Variants in DPYSL2 observed in about 807,000 individuals in gnomAD.
DPYSL2 encodes dihydropyrimidinase-related protein 2.
A neutral mutation model predicts 69.9 loss-of-function variants in DPYSL2; 13 were observed. The observed-to-expected ratio is 0.19, with a 90% CI of 0.12 to 0.30. DPYSL2 has a LOEUF of 0.30. Ranked by LOEUF, DPYSL2 falls within the 10% of genes least tolerant of loss-of-function variation. The pLI is 1.00. For synonymous variants in DPYSL2, 326 were observed against 359.1 expected, an observed-to-expected ratio of 0.91 and a Z score of 1.04; for missense variants, 587 against 918.9, an observed-to-expected ratio of 0.64 and a Z score of 4.67.
At chr8:26,574,738 A>G (rs1391531856) in intron 1 of DPYSL2, among the ~76,000 whole-genome samples, 1 of 152,212 alleles carries the variant, frequency 6.6e-6, no homozygotes, top group East Asian at 1.9e-4. Flanking sequence ...TACAGAAAGT[A>G]TAAGAAACAT....
intron 7 of DPYSL2, among the ~76,000 whole-genome samples, chr8:26,634,083 G>A (rs913589577): frequency 4.6e-5 from 7 of 152,202 alleles, no homozygotes; most frequent in Non-Finnish European, 1.0e-4. Flanking sequence ...TGTGTGTGGC[G>A]GTTCTCAAAC....
chr8:26,648,237 AT>A lies in DPYSL2; in HGVS notation c.1596+438del, dbSNP rs1439617740. On this transcript the variant is annotated intron_variant, in intron 11 of 13. Coordinates refer to ENST00000521913, the MANE Select transcript of DPYSL2 (RefSeq NM_001197293.3). This position sits in a 1 kb window ranked among gnomAD's most constrained non-coding sequence, Gnocchi z 4.3. ...TAAGCCATTGTTTTCTCAGGCCAGT[AT>A]CCATGCAGAAAACTGGATGACAGCC... Among the ~76,000 whole-genome samples the A allele has an allele frequency of 6.6e-6, 1 of 152,170 alleles. No individual in the cohort carries two copies. Among genetic ancestry groups the A allele is most frequent in the East Asian group, 1.9e-4 (1 of 5,178 alleles).
chr8:26,620,573 C>G lies in DPYSL2; in HGVS notation c.629-3570C>G, dbSNP rs1049768030. On this transcript the variant is annotated intron_variant, in intron 3 of 13. Transcript: ENST00000521913. This position sits in a 1 kb window ranked among gnomAD's most constrained non-coding sequence, Gnocchi z 4.5. ...GATTGAGATGAATGGAGCAAAATAG[C>G]CCAGGAACAGAACCTGGTATTGTCT... Among the ~76,000 whole-genome samples the G allele has an allele frequency of 2.0e-5, 3 of 151,918 alleles. No homozygotes were observed. Among genetic ancestry groups the G allele is most frequent in the African/African-American group, 7.3e-5 (3 of 41,342 alleles).
Position 26,620,587 on chromosome 8 carries a change from C to T in DPYSL2, c.629-3556C>T, listed in dbSNP as rs1477631744. On this transcript the variant is annotated intron_variant, in intron 3 of 13. Transcript: ENST00000521913. The surrounding 1 kb of genome is among the most constrained non-coding windows in gnomAD (Gnocchi z 4.5). ...GAGCAAAATAGCCCAGGAACAGAAC[C>T]TGGTATTGTCTCTCTGTAAAGTATG... Among the ~76,000 whole-genome samples the T allele has an allele frequency of 6.6e-6, 1 of 152,000 alleles. No individual in the cohort carries two copies. Among genetic ancestry groups the T allele is most frequent in the East Asian group, 1.9e-4 (1 of 5,194 alleles).
At position 26,597,775 on chromosome 8, in the gene DPYSL2, C is replaced by CTTT. The variant is rs374599797; in HGVS notation, c.628+13810_628+13812dup. ...AGGCAAGAGCCACCGCACCTGGCCTCTTTTTTTTTTTTTTTTTTTTGAGGG... is the reference window on the plus strand; with the variant it reads ...AGGCAAGAGCCACCGCACCTGGCCTCTTTTTTTTTTTTTTTTTTTTTTTGAGGG... On this transcript the variant is annotated intron_variant, in intron 3 of 13. Transcript: ENST00000521913. The surrounding 1 kb of genome is among the most constrained non-coding windows in gnomAD (Gnocchi z 5.2). Among the ~76,000 whole-genome samples the CTTT allele has an allele frequency of 3.1e-5, 4 of 127,158 alleles. No homozygotes were observed. Among genetic ancestry groups the CTTT allele is most frequent in the African/African-American group, 5.8e-5 (2 of 34,500 alleles). 83.4% of individuals were successfully genotyped at this position (127,158 alleles called of 152,430 possible).
chr8:26,556,212 C>A (rs370688303), intron 1 of DPYSL2, among the ~76,000 whole-genome samples: 3 of 3,096 alleles, frequency 9.7e-4, no homozygotes, highest in South Asian at 6.6e-3. Flanking sequence ...TATATATATA[C>A]TATATATAGT....
chr8:26,552,206 C>G (rs1268901743), intron 1 of DPYSL2, among the ~76,000 whole-genome samples: 2 of 152,100 alleles, frequency 1.3e-5, no homozygotes, highest in African/African-American at 4.8e-5. Context: ...GATGAAAATA[C>G]AACTTATCAA....
intron 1 of DPYSL2, chr8:26,548,564 G>A (rs955242660): frequency 2.0e-5 from 3 of 151,820 alleles, no homozygotes; most frequent in African/African-American, 7.3e-5. Flanking sequence ...ACTCCTAACA[G>A]TAATAATAAT....
chr8:26,599,418 T>C (rs1801942319), intron 3 of DPYSL2, among the ~76,000 whole-genome samples: 1 of 152,194 alleles, frequency 6.6e-6, no homozygotes. Flanking sequence ...GCTTGGCTCT[T>C]TCTTCTCCTC....
At chr8:26,606,563 A>G (rs1585541345) in intron 3 of DPYSL2, among the ~76,000 whole-genome samples, 1 of 152,322 alleles carries the variant, frequency 6.6e-6, no homozygotes. Flanking sequence ...GCATGCTTTA[A>G]TAGAAAAGGT....
rs909101080 is a variant in DPYSL2, at chr8:26,609,975, G to A, written c.629-14168G>A. ...CACATGCACATGGGCATACACACAC[G>A]TACACACTCACCCATGTGCACACAC... On this transcript the variant is annotated intron_variant, in intron 3 of 13. Transcript: ENST00000521913. The surrounding 1 kb of genome is among the most constrained non-coding windows in gnomAD (Gnocchi z 6.5). Among the ~76,000 whole-genome samples the A allele has an allele frequency of 2.0e-5, 3 of 152,150 alleles. No individual in the cohort carries two copies. Among genetic ancestry groups the A allele is most frequent in the African/African-American group, 7.2e-5 (3 of 41,418 alleles).
At chr8:26,557,904 C>T (rs1366150685) in intron 1 of DPYSL2, among the ~76,000 whole-genome samples, 1 of 151,780 alleles carries the variant, frequency 6.6e-6, no homozygotes, top group South Asian at 2.1e-4. Flanking sequence ...TCATCCTCAC[C>T]AGCAATGGAG....
intron 1 of DPYSL2, among the ~76,000 whole-genome samples, chr8:26,522,337 A>T (rs116706200): frequency 7.3e-6 from 1 of 137,894 alleles, no homozygotes; most frequent in African/African-American, 2.6e-5. Flanking sequence ...ACAAACAAAC[A>T]AATGTTTTCA....
chr8:26,579,070 G>A (rs1801426021), intron 1 of DPYSL2, among the ~76,000 whole-genome samples: 1 of 152,248 alleles, frequency 6.6e-6, no homozygotes, highest in Non-Finnish European at 1.5e-5. Context: ...GTCCGTGTTG[G>A]TGCATACAAA....
chr8:26,581,221 G>A (rs1280663493), intron 1 of DPYSL2, among the ~76,000 whole-genome samples: 2 of 152,122 alleles, frequency 1.3e-5, no homozygotes, highest in African/African-American at 4.8e-5. Flanking sequence ...TATTTGTGTG[G>A]TATATCCCGT....
At chr8:26,576,950 G>A in intron 1 of DPYSL2, 1 of 293,806 alleles carries the variant, frequency 3.4e-6, no homozygotes, top group Non-Finnish European at 6.7e-6. Context: ...GAGCCGAGGT[G>A]GGCGTGACTG....
At chr8:26,536,275 G>T (rs1248455517) in intron 1 of DPYSL2, among the ~76,000 whole-genome samples, 2 of 151,692 alleles carry the variant, frequency 1.3e-5, no homozygotes, top group Non-Finnish European at 2.9e-5. Flanking sequence ...TGAGGTTTCA[G>T]CATATTGCCC....
chr8:26,649,754 G>T (rs992196509), intron 11 of DPYSL2, among the ~76,000 whole-genome samples: 1 of 152,174 alleles, frequency 6.6e-6, no homozygotes, highest in Non-Finnish European at 1.5e-5. Flanking sequence ...CAGGCATCTG[G>T]CCCGATGAGT....
chr8:26,589,679 A>G (rs1801680805), intron 3 of DPYSL2, among the ~76,000 whole-genome samples: 2 of 152,208 alleles, frequency 1.3e-5, no homozygotes, highest in Non-Finnish European at 2.9e-5. Context: ...GGAGGGTGGC[A>G]GAAAGAGGAA....
Sources: allele counts gnomAD v4.1 joint callset (sites outside exome capture counted in the v4.1 genomes callset), GRCh38; gene constraint gnomAD v4.1.1; non-coding constraint Gnocchi (gnomAD v3.1); transcripts MANE v1.5; gene names NCBI Gene and HGNC (gene_info 2026-07-23, HGNC 2026-07-21).